The following CAPS2 variants were observed in gnomAD, a reference collection of about 807,000 sequenced individuals.
CAPS2 encodes the protein calcyphosin-2.
CAPS2 carries 98 observed loss-of-function variants against 86.5 expected under a neutral mutation model. The ratio of observed to expected loss-of-function variants is 1.13; its 90% CI spans 0.96 to 1.34. CAPS2 has a LOEUF of 1.34. Ranked by LOEUF, CAPS2 falls within the 40% of genes most tolerant of loss-of-function variation. The pLI is 0.00. For missense variants in CAPS2, 729 were observed against 686.8 expected (o/e 1.06, Z -0.69); for synonymous variants, 210 against 225.1 (o/e 0.93, Z 0.60).
At chr12:75,312,781 C>T in intron 7 of CAPS2, 67 bp downstream of exon 7, 1 of 934,682 alleles carries the variant, frequency 1.1e-6, no homozygotes, top group South Asian at 1.3e-5. Context: ...ATATGAATGT[C>T]ATGCATGAAA....
At chr12:75,367,141 T>C in intron 1 of CAPS2, 1 of 644,648 alleles carries the variant, frequency 1.6e-6, no homozygotes, top group East Asian at 2.7e-5. Context: ...ACCTCCAAAG[T>C]GGAAACCAAA....
At chr12:75,361,641 G>A (rs2043600510) in intron 1 of CAPS2, among the ~76,000 whole-genome samples, 1 of 152,210 alleles carries the variant, frequency 6.6e-6, no homozygotes, top group African/African-American at 2.4e-5. Flanking sequence ...ATGACAGAAG[G>A]TGAAGGGGAA....
intron 5 of CAPS2, among the ~76,000 whole-genome samples, chr12:75,320,816 C>A (rs1280689873): frequency 6.6e-6 from 1 of 151,728 alleles, no homozygotes; most frequent in African/African-American, 2.4e-5. Flanking sequence ...TCAAGATTGA[C>A]TTTTTCTGTA....
chr12:75,375,827 G>C (rs1471112351), intron 1 of CAPS2, among the ~76,000 whole-genome samples: 1 of 152,182 alleles, frequency 6.6e-6, no homozygotes, highest in African/African-American at 2.4e-5. Context: ...TTTGACGGTT[G>C]AGTGCCACTA....
At chr12:75,332,255 C>G (rs75957975), upstream of CAPS2, among the ~76,000 whole-genome samples, 13 of 152,260 alleles carry the variant, frequency 8.5e-5, 1 homozygote, top group East Asian at 2.5e-3. Flanking sequence ...TATCTGTTAA[C>G]CTTTATCCCT....
chr12:75,307,863 G>A (rs2038693872), intron 7 of CAPS2, among the ~76,000 whole-genome samples: 1 of 152,112 alleles, frequency 6.6e-6, no homozygotes, highest in Non-Finnish European at 1.5e-5. Context: ...AGGAACATAG[G>A]TGTCATTGTG....
At chr12:75,364,399 A>G (rs972470858) in intron 1 of CAPS2, among the ~76,000 whole-genome samples, 3 of 152,174 alleles carry the variant, frequency 2.0e-5, no homozygotes, top group Admixed American at 6.6e-5. Context: ...GCCAGTAAAC[A>G]TTTACTTTAT....
At chr12:75,305,623 T>C in intron 7 of CAPS2, 1 of 621,294 alleles carries the variant, frequency 1.6e-6, no homozygotes, top group South Asian at 1.4e-5. Flanking sequence ...ACCGGAAGGC[T>C]CAGCAGCAGG....
intron 1 of CAPS2, among the ~76,000 whole-genome samples, chr12:75,378,508 G>A (rs2044782347): frequency 6.6e-6 from 1 of 152,124 alleles, no homozygotes; most frequent in African/African-American, 2.4e-5. Flanking sequence ...CTAACAAGTG[G>A]AAATTTTTAG....
chr12:75,323,272 AT>A (rs2040469299), intron 2 of CAPS2, 50 bp from the exon 4 acceptor site: 1 of 1,379,570 alleles, frequency 7.2e-7, no homozygotes, highest in South Asian at 1.3e-5. Context: ...TGAAACTTTA[AT>A]AAATGCAAAT....
intron 6 of CAPS2, among the ~76,000 whole-genome samples, chr12:75,315,211 A>G (rs1307374134): frequency 6.6e-6 from 1 of 152,208 alleles, no homozygotes; most frequent in East Asian, 1.9e-4. Flanking sequence ...ATTAACATCC[A>G]GATTGCTTTG....
At chr12:75,363,079 A>G (rs1485011451) in intron 1 of CAPS2, 2 of 1,324,718 alleles carry the variant, frequency 1.5e-6, no homozygotes, top group Non-Finnish European at 2.1e-6. Context: ...CATTTGGCTA[A>G]TCAATGTTTC....
chr12:75,369,965 C>G, intron 1 of CAPS2: 2 of 1,095,022 alleles, frequency 1.8e-6, no homozygotes, highest in Non-Finnish European at 2.6e-6. Flanking sequence ...TTTAGGGACT[C>G]CACAACTTAT....
intron 5 of CAPS2, among the ~76,000 whole-genome samples, chr12:75,320,945 T>C (rs1451168051): frequency 6.6e-6 from 1 of 151,982 alleles, no homozygotes; most frequent in African/African-American, 2.4e-5. Context: ...TGTTAAAAAA[T>C]CATTTCCCAT....
chr12:75,290,267 C>T (rs1194309741), intron 13 of CAPS2, among the ~76,000 whole-genome samples: 1 of 152,118 alleles, frequency 6.6e-6, no homozygotes, highest in African/African-American at 2.4e-5. Context: ...TACAAAATAG[C>T]ATCAAAGCTT....
At chr12:75,312,205 A>G (rs2039305113) in intron 7 of CAPS2, among the ~76,000 whole-genome samples, 2 of 152,108 alleles carry the variant, frequency 1.3e-5, no homozygotes, top group Non-Finnish European at 2.9e-5. Flanking sequence ...GCACCAAGGA[A>G]CCCTGAGGTA....
upstream of CAPS2, chr12:75,334,614 T>G: frequency 6.7e-7 from 1 of 1,496,588 alleles, no homozygotes; most frequent in Non-Finnish European, 8.9e-7. Context: ...CTCGAGCCTG[T>G]GCGGCAGGAT....
upstream of CAPS2, among the ~76,000 whole-genome samples, chr12:75,331,962 G>A (rs2041358874): frequency 6.6e-6 from 1 of 152,158 alleles, no homozygotes; most frequent in Non-Finnish European, 1.5e-5. Flanking sequence ...AATAACATTA[G>A]GACATGCACT....
intron 1 of CAPS2, among the ~76,000 whole-genome samples, chr12:75,369,212 C>T (rs1049104869): frequency 6.6e-6 from 1 of 151,828 alleles, no homozygotes; most frequent in East Asian, 1.9e-4. Context: ...TTTTTCAATA[C>T]ATTTTAGCTA....
Sources: allele counts gnomAD v4.1 joint callset (sites outside exome capture counted in the v4.1 genomes callset), GRCh38; gene constraint gnomAD v4.1.1; transcripts MANE v1.5; gene names NCBI Gene and HGNC (gene_info 2026-07-23, HGNC 2026-07-21).